The following GPT2 variants were observed in gnomAD, a reference collection of about 807,000 sequenced individuals.
GPT2 encodes glutamic--pyruvic transaminase 2.
A neutral mutation model predicts 56.9 loss-of-function variants in GPT2; 30 were observed. That is an observed-to-expected ratio of 0.53 (90% CI 0.39 to 0.72). The LOEUF (loss-of-function observed/expected upper bound fraction) is 0.72. GPT2 is among the 30% of genes least tolerant of loss of function. The probability of loss-of-function intolerance (pLI) is 0.00; values close to 1 mark genes in which losing one functional copy is unlikely to be tolerated. For missense variants in GPT2, 542 were observed against 703.4 expected (o/e 0.77, Z 2.60); for synonymous variants, 271 against 283.1 (o/e 0.96, Z 0.43).
At position 46,919,565 on chromosome 16, in the gene GPT2, G is replaced by A. The variant is rs142509524; in HGVS notation, c.1037+808G>A. ...GGCAGAACACACCTGCCATGTTGGC[G>A]GAACAGCCAGGAGCTGGAAAGGAGG... On this transcript the variant is annotated intron_variant, in intron 8 of 11. Coordinates refer to ENST00000340124, the MANE Select transcript of GPT2 (RefSeq NM_133443.4). 3.1e-3 allele frequency among the ~76,000 whole-genome samples: 467 copies of A among 152,358 alleles called. 1 individual carries two copies. Among genetic ancestry groups the A allele is most frequent in the Non-Finnish European group, 5.8e-3 (396 of 68,032 alleles).
intron 2 of GPT2, among the ~76,000 whole-genome samples, chr16:46,892,480 C>G (rs922318172): frequency 6.6e-6 from 1 of 152,082 alleles, no homozygotes; most frequent in Non-Finnish European, 1.5e-5. Context: ...TAGGGTAGTT[C>G]TATTTTTAAT....
chr16:46,924,393 A>G lies in GPT2; in HGVS notation c.1217A>G (p.Lys406Arg), dbSNP rs1184008259. The G allele has an allele frequency of 1.2e-6, 2 of 1,614,090 alleles. No homozygotes were observed. The highest frequency in any genetic ancestry group is 1.7e-6 in the Non-Finnish European group (2 of 1,179,888). The change falls in exon 10 of 12, where the codon AAG (lysine) becomes AGG (arginine). Residue 406 changes from lysine to arginine, a missense_variant. By Grantham distance (26) the Lys-to-Arg change is conservative (BLOSUM62 2). Transcript: ENST00000340124. ...EESFEQFSREKESVLGNLAKK... is the reference protein window; with the variant it reads ...EESFEQFSRERESVLGNLAKK... The stretch of plus-strand genomic sequence containing the variant: ...GCTGTTTCCATCTCTCATCAGGAGA[A>G]GGAGTCGGTCCTGGGTAATCTGGCC...
At chr16:46,886,185 C>T (rs1960479962) in intron 2 of GPT2, among the ~76,000 whole-genome samples, 1 of 152,208 alleles carries the variant, frequency 6.6e-6, no homozygotes, top group African/African-American at 2.4e-5. Context: ...GGCTTTGTTT[C>T]TGTGCCTCCC....
At chr16:46,904,970 G>C (rs1173406146) in intron 4 of GPT2, among the ~76,000 whole-genome samples, 10 of 152,016 alleles carry the variant, frequency 6.6e-5, no homozygotes, top group African/African-American at 2.4e-4. Context: ...GCACCTTAGA[G>C]TGTTGGTTTG....
intron 2 of GPT2, among the ~76,000 whole-genome samples, chr16:46,889,864 C>G (rs868842586): frequency 6.6e-6 from 1 of 152,224 alleles, no homozygotes. Flanking sequence ...GCTTGTCTTT[C>G]CCACTTCCTG....
At chr16:46,928,239 G>A (rs1299480179) in intron 11 of GPT2, among the ~76,000 whole-genome samples, 1 of 150,878 alleles carries the variant, frequency 6.6e-6, no homozygotes, top group Non-Finnish European at 1.5e-5. Context: ...GAGATGGGAG[G>A]ATCACCTGAG....
At chr16:46,916,771 C>A in intron 7 of GPT2, 64 bp downstream of exon 7, 1 of 1,114,854 alleles carries the variant, frequency 9.0e-7, no homozygotes, top group Non-Finnish European at 1.4e-6. Flanking sequence ...AGGGACCCAG[C>A]CCCCATTGTT....
chr16:46,921,845 T>C (rs918482808), intron 8 of GPT2, among the ~76,000 whole-genome samples: 6 of 152,042 alleles, frequency 3.9e-5, no homozygotes, highest in Non-Finnish European at 7.4e-5. Flanking sequence ...AGCAAAACCC[T>C]ATCTCTACAT....
chr16:46,884,504 A>G (rs1249797944), intron 1 of GPT2, 37 bp downstream of exon 1: 5 of 471,222 alleles, frequency 1.1e-5, no homozygotes, highest in Non-Finnish European at 1.7e-5. Flanking sequence ...AGCCTTTGCG[A>G]AAGCCGGTTG....
intron 10 of GPT2, among the ~76,000 whole-genome samples, chr16:46,926,653 G>A (rs940909312): frequency 2.0e-5 from 3 of 152,226 alleles, no homozygotes; most frequent in Non-Finnish European, 4.4e-5. Context: ...GCTGATGCCT[G>A]TTGAGTGGCT....
In GPT2 at chr16:46,884,804, A is replaced by T; in HGVS notation, c.89A>T (p.Glu30Val). 2.7e-6 allele frequency: 4 copies of T among 1,486,058 alleles called. No individual in the cohort carries two copies. The highest frequency in any genetic ancestry group is 3.6e-6 in the Non-Finnish European group (4 of 1,114,630). The allele number at this position is 1,486,058 out of a possible 1,614,324, so 92.1% of individuals were successfully genotyped here. ...WGRSQSSAAA[E>V]ASAVLKVRPE... ...CGCAGCCAGAGCAGCGCGGCCGCCG[A>T]GGCCTCGGCGGTGCTCAAGGTGCGG... The change falls in exon 2 of 12, where the codon GAG becomes GTG. Residue 30 changes from glutamate (E) to valine (V), a missense_variant. Glu to Val is a moderately radical substitution (Grantham distance 121, BLOSUM62 -2). Transcript: ENST00000340124.
chr16:46,925,580 C>T (rs1330942344), intron 10 of GPT2, among the ~76,000 whole-genome samples: 1 of 152,076 alleles, frequency 6.6e-6, no homozygotes, highest in Non-Finnish European at 1.5e-5. Context: ...CCTGTGGTCT[C>T]AGCACTTTGG....
Position 46,884,744 on chromosome 16 carries a change from G to A in GPT2, c.29G>A (p.Arg10Gln). 1 of 1,397,404 alleles carries A rather than the reference G, an allele frequency of 7.2e-7. No homozygotes were observed. The highest frequency in any genetic ancestry group is 9.3e-7 in the Non-Finnish European group (1 of 1,074,180). 86.6% of individuals were successfully genotyped at this position (1,397,404 alleles called of 1,614,324 possible). A position where few individuals can be genotyped will look rare whatever the true frequency, so the allele number is the denominator to read the frequency against. MQRAAALVRRGCGPRTPSSW... is the reference protein window; with the variant it reads MQRAAALVRQGCGPRTPSSW... ...CAGCGGGCGGCGGCGCTGGTCCGGC[G>A]GGGCTGTGGTCCCCGGACCCCCAGC... Residue 10 changes from arginine to glutamine, a missense_variant, in exon 2 of 12, where the codon CGG (arginine) becomes CAG (glutamine). By Grantham distance (43) the Arg-to-Gln change is conservative (BLOSUM62 1). Coordinates refer to ENST00000340124, the MANE Select transcript of GPT2 (RefSeq NM_133443.4).
At chr16:46,895,079 T>C (rs2143376455) in intron 2 of GPT2, among the ~76,000 whole-genome samples, 2 of 152,150 alleles carry the variant, frequency 1.3e-5, no homozygotes, top group South Asian at 4.1e-4. Flanking sequence ...ACTTACGCCC[T>C]GTTTATGATG....
intron 5 of GPT2, among the ~76,000 whole-genome samples, chr16:46,907,640 T>C (rs369958396): frequency 7.2e-5 from 11 of 151,830 alleles, no homozygotes; most frequent in African/African-American, 2.7e-4. Context: ...ACAGCAAGGG[T>C]CGGAGTTACC....
Position 46,910,076 on chromosome 16 carries a change from C to T in GPT2, c.820+149C>T, listed in dbSNP as rs868042118. On this transcript the variant is annotated intron_variant, in intron 6 of 11. Transcript: ENST00000340124. ...TAACCTAAAGCCATGAAATTTGCCACAGGCCACCTCAAGAGGTGAGTAGGC... is the reference window on the plus strand; with the variant it reads ...TAACCTAAAGCCATGAAATTTGCCATAGGCCACCTCAAGAGGTGAGTAGGC... 183 of 1,074,598 alleles carry T rather than the reference C, an allele frequency of 1.7e-4. No homozygotes were observed. In the South Asian group the frequency reaches 3.0e-3, roughly 18 times the overall value. The allele number at this position is 1,074,598 out of a possible 1,614,324, so 66.6% of individuals were successfully genotyped here. A position where few individuals can be genotyped will look rare whatever the true frequency, so the allele number is the denominator to read the frequency against.
chr16:46,896,808 C>A (rs1035498312), intron 2 of GPT2, among the ~76,000 whole-genome samples: 1 of 152,250 alleles, frequency 6.6e-6, no homozygotes, highest in African/African-American at 2.4e-5. Flanking sequence ...TCCAGCCCTT[C>A]TGGAAAGTGG....
chr16:46,904,022 A>G (rs189784135), intron 4 of GPT2, among the ~76,000 whole-genome samples: 25 of 152,320 alleles, frequency 1.6e-4, no homozygotes, highest in African/African-American at 6.0e-4. Flanking sequence ...AGTGTGTGCA[A>G]AGGCCCTAAA....
chr16:46,908,795 C>T (rs1391104245), intron 5 of GPT2, among the ~76,000 whole-genome samples: 7 of 152,052 alleles, frequency 4.6e-5, no homozygotes, highest in Non-Finnish European at 8.8e-5. Context: ...GGGAAGGGGG[C>T]GTGTCCACAA....
Sources: gnomAD v4.1 joint callset for allele counts (sites outside exome capture counted in the v4.1 genomes callset) on GRCh38, gnomAD v4.1.1 for gene constraint, MANE v1.5 for transcripts, NCBI Gene and HGNC (gene_info 2026-07-23, HGNC 2026-07-21) for gene names.